The following MAP2K5 variants were observed in gnomAD, a reference collection of about 807,000 sequenced individuals.
The protein encoded by MAP2K5 is dual specificity mitogen-activated protein kinase kinase 5.
In MAP2K5, 49 loss-of-function variants were observed where a neutral mutation model predicts 83.1. That is an observed-to-expected ratio of 0.59 (90% CI 0.47 to 0.75). MAP2K5 has a LOEUF of 0.75. Among genes scored for constraint, MAP2K5 ranks in the 30% least tolerant of loss-of-function variants. The probability of loss-of-function intolerance (pLI) is 0.00; values close to 1 mark genes in which losing one functional copy is unlikely to be tolerated. For synonymous variants in MAP2K5, 202 were observed against 191.8 expected, an observed-to-expected ratio of 1.05 and a Z score of -0.44; for missense variants, 457 against 557.5, an observed-to-expected ratio of 0.82 and a Z score of 1.82.
At chr15:67,586,222 T>C (rs1448056329) in intron 5 of MAP2K5, among the ~76,000 whole-genome samples, 2 of 152,204 alleles carry the variant, frequency 1.3e-5, no homozygotes. Context: ...AGTAAGAATA[T>C]AGACTTCATT....
chr15:67,744,011 G>T (rs2089551760), intron 17 of MAP2K5, among the ~76,000 whole-genome samples: 1 of 152,334 alleles, frequency 6.6e-6, no homozygotes, highest in African/African-American at 2.4e-5. Flanking sequence ...GGTCAGGCCA[G>T]GCACTATCTA....
chr15:67,631,129 C>G (rs1010181582), intron 9 of MAP2K5, among the ~76,000 whole-genome samples: 6 of 152,130 alleles, frequency 3.9e-5, no homozygotes, highest in Admixed American at 2.0e-4. Flanking sequence ...TTGTAAGCTC[C>G]GTGTATTGTG....
intron 13 of MAP2K5, among the ~76,000 whole-genome samples, chr15:67,673,231 T>C (rs2087591989): frequency 2.0e-5 from 3 of 151,980 alleles, no homozygotes; most frequent in African/African-American, 7.3e-5. Flanking sequence ...TGTGAAACAA[T>C]GGTAGATCCA....
intron 13 of MAP2K5, among the ~76,000 whole-genome samples, chr15:67,689,168 T>C (rs1340051494): frequency 6.6e-6 from 1 of 152,142 alleles, no homozygotes; most frequent in Non-Finnish European, 1.5e-5. Context: ...GGCAGAAGGA[T>C]CACTTGAGCC....
intron 1 of MAP2K5, 29 bp from the exon 2 acceptor site, chr15:67,550,005 T>C (rs1184535984): frequency 1.1e-5 from 18 of 1,576,578 alleles, no homozygotes; most frequent in Non-Finnish European, 1.5e-5. Flanking sequence ...AGATGGCTAA[T>C]TGTGTTTCTT....
rs1258730268 is a variant in MAP2K5, at chr15:67,555,670, A to G, written c.184+5588A>G. Among the ~76,000 whole-genome samples the G allele has an allele frequency of 3.3e-5, 5 of 152,216 alleles. No homozygotes were observed. The highest frequency in any genetic ancestry group is 2.1e-4 in the South Asian group (1 of 4,828). On this transcript the variant is annotated intron_variant, in intron 2 of 21. Coordinates refer to ENST00000178640, the MANE Select transcript of MAP2K5 (RefSeq NM_145160.3). This position sits in a 1 kb window ranked among gnomAD's most constrained non-coding sequence, Gnocchi z 5.2. ...AACTCTGGATATTAGCAAACCTTTTAGTCAATGTCAGTTTGATAGGTGAAA... is the reference window on the plus strand; with the variant it reads ...AACTCTGGATATTAGCAAACCTTTTGGTCAATGTCAGTTTGATAGGTGAAA...
intron 21 of MAP2K5, among the ~76,000 whole-genome samples, chr15:67,799,273 A>G (rs376128116): frequency 2.6e-5 from 4 of 152,266 alleles, no homozygotes; most frequent in African/African-American, 7.2e-5. Flanking sequence ...TTGCCCAGGT[A>G]TGCTCGCTAT....
chr15:67,664,365 A>G (rs1434573433), intron 12 of MAP2K5, among the ~76,000 whole-genome samples: 2 of 141,674 alleles, frequency 1.4e-5, no homozygotes, highest in South Asian at 2.4e-4. Flanking sequence ...GCTAGGCATG[A>G]TGGTGCACAC....
intron 3 of MAP2K5, among the ~76,000 whole-genome samples, chr15:67,568,620 G>A (rs938645017): frequency 3.9e-5 from 6 of 152,066 alleles, no homozygotes; most frequent in Admixed American, 2.6e-4. Flanking sequence ...TTATAGTCCT[G>A]CTCAGCTTTG....
chr15:67,611,560 G>A (rs981033100), intron 8 of MAP2K5, among the ~76,000 whole-genome samples: 2 of 152,092 alleles, frequency 1.3e-5, no homozygotes, highest in South Asian at 2.1e-4. Flanking sequence ...TACAGTGGGC[G>A]CCAATCACAA....
intron 16 of MAP2K5, 69 bp downstream of exon 16, chr15:67,703,477 A>AT: frequency 7.8e-7 from 1 of 1,286,934 alleles, no homozygotes; most frequent in Non-Finnish European, 1.1e-6. Context: ...AAAAGTGAAG[A>AT]TTTTGAAAGA....
At position 67,611,202 on chromosome 15, in the gene MAP2K5, A is replaced by C. The variant is rs1427934901; in HGVS notation, c.545+10453A>C. On this transcript the variant is annotated intron_variant, in intron 8 of 21. Coordinates refer to ENST00000178640, the MANE Select transcript of MAP2K5 (RefSeq NM_145160.3). ...AAAGTTATCTAAAAATTATGAATAA[A>C]ATATATTTTACATGGCCTCAGCAAC... Among the ~76,000 whole-genome samples, 3 of 152,358 alleles carry C rather than the reference A, an allele frequency of 2.0e-5. No homozygotes were observed. In the East Asian group the frequency reaches 5.8e-4, roughly 29 times the overall value.
intron 8 of MAP2K5, among the ~76,000 whole-genome samples, chr15:67,604,538 C>G (rs1236118067): frequency 1.3e-5 from 2 of 152,148 alleles, no homozygotes; most frequent in Non-Finnish European, 2.9e-5. Flanking sequence ...AGCTACGTAA[C>G]CTTTGGCAAG....
At position 67,779,321 on chromosome 15, in the gene MAP2K5, A is replaced by G. The variant is rs1484093490; in HGVS notation, c.1242+6569A>G. Among the ~76,000 whole-genome samples, 1 of 152,242 alleles carries G rather than the reference A, an allele frequency of 6.6e-6. No individual in the cohort carries two copies. The highest frequency in any genetic ancestry group is 6.5e-5 in the Admixed American group (1 of 15,288). On this transcript the variant is annotated intron_variant, in intron 21 of 21. Coordinates refer to ENST00000178640, the MANE Select transcript of MAP2K5 (RefSeq NM_145160.3). This position sits in a 1 kb window ranked among gnomAD's most constrained non-coding sequence, Gnocchi z 4.6. ...TAGCTTTTTAATTGCATATAATTAC[A>G]TCGGCAGAATCACTGTCTGGATACT...
intron 8 of MAP2K5, chr15:67,628,828 A>G: frequency 2.7e-6 from 2 of 750,318 alleles, no homozygotes; most frequent in Non-Finnish European, 4.9e-6. Context: ...GTCATGGACG[A>G]AACTTCAGTG....
intron 6 of MAP2K5, among the ~76,000 whole-genome samples, chr15:67,591,708 G>A (rs995131050): frequency 2.6e-5 from 4 of 152,000 alleles, no homozygotes; most frequent in Non-Finnish European, 4.4e-5. Flanking sequence ...ATTGCTGGGG[G>A]AAGGTGCTAT....
intron 21 of MAP2K5, among the ~76,000 whole-genome samples, chr15:67,798,948 A>G (rs1223239479): frequency 6.6e-6 from 1 of 152,214 alleles, no homozygotes; most frequent in Non-Finnish European, 1.5e-5. Flanking sequence ...AAGCAGGTGC[A>G]TCACGAGGTC....
chr15:67,734,701 C>T (rs1458508201), intron 17 of MAP2K5, among the ~76,000 whole-genome samples: 1 of 152,066 alleles, frequency 6.6e-6, no homozygotes, highest in Non-Finnish European at 1.5e-5. Flanking sequence ...TTGCAAAATA[C>T]CTAAAAAGTT....
chr15:67,628,853 G>A (rs2086390012), intron 8 of MAP2K5: 8 of 748,844 alleles, frequency 1.1e-5, no homozygotes, highest in South Asian at 2.7e-5. Context: ...TGGTGGCTTT[G>A]ATGGCAGCCG....
Sources: allele counts gnomAD v4.1 joint callset (sites outside exome capture counted in the v4.1 genomes callset), GRCh38; gene constraint gnomAD v4.1.1; non-coding constraint Gnocchi (gnomAD v3.1); transcripts MANE v1.5; gene names NCBI Gene and HGNC (gene_info 2026-07-23, HGNC 2026-07-21).